Variants in FAM184A observed in about 807,000 individuals in gnomAD.
The protein encoded by FAM184A is family with sequence similarity 184 member A, also known as protein FAM184A.
In FAM184A, 99 loss-of-function variants were observed where a neutral mutation model predicts 143.8. The ratio of observed to expected loss-of-function variants is 0.69; its 90% confidence interval spans 0.58 to 0.81. The LOEUF is 0.81. Ranked by LOEUF, FAM184A falls within the 40% of genes least tolerant of loss-of-function variation. FAM184A has a pLI of 0.00. For synonymous variants in FAM184A, 427 were observed against 446.4 expected (o/e 0.96, Z 0.55); for missense variants, 1,217 against 1,310.5 (o/e 0.93, Z 1.10).
intron 1 of FAM184A, among the ~76,000 whole-genome samples, chr6:119,049,248 G>A (rs1349967750): frequency 6.6e-6 from 1 of 152,170 alleles, no homozygotes; most frequent in Non-Finnish European, 1.5e-5. Context: ...AGGAGTTCGA[G>A]ACCAGCCTGG....
intron 1 of FAM184A, among the ~76,000 whole-genome samples, chr6:119,061,584 C>A (rs891723989): frequency 1.0e-4 from 12 of 120,338 alleles, no homozygotes; most frequent in South Asian, 2.7e-4. Context: ...CACTACGTTG[C>A]CCAGACTGGT....
chr6:119,033,720 G>A (rs79642713), intron 1 of FAM184A, among the ~76,000 whole-genome samples: 1,871 of 150,072 alleles, frequency 0.012, 42 homozygotes, highest in African/African-American at 0.043. Context: ...AGGCCACTGC[G>A]GTGGCTCACA....
At chr6:119,046,577 T>C (rs942185839) in intron 1 of FAM184A, among the ~76,000 whole-genome samples, 11 of 149,198 alleles carry the variant, frequency 7.4e-5, no homozygotes, top group African/African-American at 2.4e-4. Context: ...AAAAAAAAAC[T>C]ATGCAAAAAT....
chr6:119,003,977 GAT>G (rs1205292899), intron 7 of FAM184A, among the ~76,000 whole-genome samples: 17 of 152,182 alleles, frequency 1.1e-4, no homozygotes, highest in South Asian at 2.1e-4. Context: ...TACATAGACA[GAT>G]ATGTTATTCA....
intron 1 of FAM184A, among the ~76,000 whole-genome samples, chr6:119,148,543 A>G (rs866325554): frequency 3.3e-5 from 5 of 152,202 alleles, no homozygotes; most frequent in African/African-American, 1.2e-4. Flanking sequence ...GCCTGCAGGG[A>G]GCCTCTCAGC....
intron 1 of FAM184A, among the ~76,000 whole-genome samples, chr6:119,095,543 T>C (rs1788482984): frequency 6.6e-6 from 1 of 152,148 alleles, no homozygotes; most frequent in African/African-American, 2.4e-5. Flanking sequence ...TGAGAAATAA[T>C]ATAGGCTTTT....
In FAM184A at chr6:118,984,788, C is replaced by T. The variant is rs1007307630; in HGVS notation, c.2089-4438G>A. 3.9e-5 allele frequency among the ~76,000 whole-genome samples: 6 copies of T among 152,148 alleles called. No individual in the cohort carries two copies. The South Asian group carries it at 6.2e-4, about 16-fold the overall frequency. ...TAAACGTAATCTGTGATTCTCAAACCTGGCTGTGTATCAGAATCATCTCTG... is the reference window on the plus strand; with the variant it reads ...TAAACGTAATCTGTGATTCTCAAACTTGGCTGTGTATCAGAATCATCTCTG... On this transcript the variant is annotated intron_variant, in intron 9 of 17. Transcript: ENST00000338891.
chr6:119,106,016 T>G (rs1284235700), intron 1 of FAM184A, among the ~76,000 whole-genome samples: 2 of 152,222 alleles, frequency 1.3e-5, no homozygotes, highest in African/African-American at 4.8e-5. Flanking sequence ...TAAGGTCACA[T>G]AATTGTCTCA....
Position 119,024,018 on chromosome 6 carries a change from G to A in FAM184A, c.955C>T (p.Leu319Phe), listed in dbSNP as rs1366638928. The stretch of plus-strand genomic sequence containing the variant: ...TGAAGCTTTTGGCATTTGTCAAGAA[G>A]ACTTCCAGCTTCATCCTGTACCATC... ...LQMVQDEAGS[L>F]LDKCQKLQTA... Residue 319 changes from leucine (L) to phenylalanine (F), a missense_variant, in exon 2 of 18, where the codon CTT becomes TTT. Coordinates refer to ENST00000338891, the MANE Select transcript of FAM184A (RefSeq NM_024581.6). 3 of 1,610,450 alleles carry A rather than the reference G, an allele frequency of 1.9e-6. No individual in the cohort carries two copies. The highest frequency in any genetic ancestry group is 2.5e-6 in the Non-Finnish European group (3 of 1,179,168).
intron 11 of FAM184A, among the ~76,000 whole-genome samples, chr6:118,976,572 G>A (rs1343877701): frequency 6.6e-6 from 1 of 151,704 alleles, no homozygotes; most frequent in African/African-American, 2.4e-5. Flanking sequence ...ACTGACACAG[G>A]AGAATTGCGT....
At chr6:119,038,928 C>G (rs1786214091) in intron 1 of FAM184A, among the ~76,000 whole-genome samples, 1 of 152,008 alleles carries the variant, frequency 6.6e-6, no homozygotes, top group Non-Finnish European at 1.5e-5. Context: ...AAGGACTTAA[C>G]CAAAATGTAC....
chr6:119,048,733 CAG>C (rs1786629924), intron 1 of FAM184A, among the ~76,000 whole-genome samples: 1 of 152,008 alleles, frequency 6.6e-6, no homozygotes, highest in Non-Finnish European at 1.5e-5. Context: ...CTCATGGACA[CAG>C]AGAGTAGAAT....
chr6:119,134,723 C>T (rs1323517369), intron 1 of FAM184A, among the ~76,000 whole-genome samples: 3 of 149,974 alleles, frequency 2.0e-5, no homozygotes, highest in Non-Finnish European at 4.5e-5. Flanking sequence ...CATAAAAGGA[C>T]ACAATATACT....
At chr6:119,001,851 G>C (rs532725783) in intron 9 of FAM184A, among the ~76,000 whole-genome samples, 48 of 152,274 alleles carry the variant, frequency 3.2e-4, no homozygotes, top group African/African-American at 1.2e-3. Context: ...ATCTGTCCTT[G>C]TGGGTCCCTA....
rs537240494 is a variant in FAM184A, at chr6:119,091,085, A to G, written c.-202+57993T>C. On this transcript the variant is annotated intron_variant, in intron 1 of 16. Coordinates refer to the FAM184A transcript ENST00000352896. The stretch of plus-strand genomic sequence containing the variant: ...TAAAGAGCCAAAGTGAGCAGGGGGT[A>G]GTCATAGCTACAGGTCCTGTGAGAT... Among the ~76,000 whole-genome samples, 6 of 152,348 alleles carry G rather than the reference A, an allele frequency of 3.9e-5. No homozygotes were observed. In the East Asian group the frequency reaches 1.2e-3, roughly 29 times the overall value.
At chr6:119,028,860 T>C (rs794253) in intron 1 of FAM184A, among the ~76,000 whole-genome samples, 145,653 of 152,212 alleles carry the variant, frequency 0.96, 69,794 homozygotes, top group African/African-American at 0.97. Context: ...TGGAATCTGA[T>C]GCTATCTTCA....
intron 1 of FAM184A, among the ~76,000 whole-genome samples, chr6:119,063,041 A>G (rs1416466018): frequency 6.6e-6 from 1 of 152,248 alleles, no homozygotes; most frequent in Admixed American, 6.5e-5. Context: ...ATTCAGATTT[A>G]AGATTAAACA....
At chr6:118,998,127 T>C (rs1784630014) in intron 9 of FAM184A, among the ~76,000 whole-genome samples, 1 of 152,128 alleles carries the variant, frequency 6.6e-6, no homozygotes, top group Non-Finnish European at 1.5e-5. Context: ...CCCAAATAAA[T>C]AGCTCATCTT....
intron 1 of FAM184A, among the ~76,000 whole-genome samples, chr6:119,099,903 A>G (rs988226830): frequency 1.3e-5 from 2 of 152,186 alleles, no homozygotes; most frequent in African/African-American, 4.8e-5. Flanking sequence ...AATTAATGGA[A>G]CCCAGAACCA....
Sources: gnomAD v4.1 joint callset for allele counts (sites outside exome capture counted in the v4.1 genomes callset) on GRCh38, gnomAD v4.1.1 for gene constraint, MANE v1.5 for transcripts, NCBI Gene and HGNC (gene_info 2026-07-23, HGNC 2026-07-21) for gene names.